The following GRM8 variants were observed in gnomAD, a reference collection of about 807,000 sequenced individuals.
GRM8 encodes the protein glutamate metabotropic receptor 8.
A neutral mutation model predicts 87.2 loss-of-function variants in GRM8; 47 were observed. The ratio of observed to expected loss-of-function variants is 0.54; its 90% confidence interval spans 0.43 to 0.69. The LOEUF is 0.69. Among genes scored for constraint, GRM8 ranks in the 30% least tolerant of loss-of-function variants. GRM8 has a pLI of 0.00. For missense variants in GRM8, 1,019 were observed against 1,139.2 expected (o/e 0.89, Z 1.52); for synonymous variants, 396 against 404.5 (o/e 0.98, Z 0.25).
At chr7:127,036,668 G>A (rs1221332546) in intron 3 of GRM8, among the ~76,000 whole-genome samples, 1 of 152,152 alleles carries the variant, frequency 6.6e-6, no homozygotes, top group Non-Finnish European at 1.5e-5. Context: ...GCCAAATGTG[G>A]GGTTTGACCA....
intron 3 of GRM8, among the ~76,000 whole-genome samples, chr7:126,938,414 A>G (rs1222114569): frequency 1.3e-5 from 2 of 152,222 alleles, no homozygotes; most frequent in African/African-American, 4.8e-5. Flanking sequence ...TAATTTTTAC[A>G]GCTGCCAAAC....
At chr7:126,640,868 T>C (rs1395310576) in intron 7 of GRM8, among the ~76,000 whole-genome samples, 4 of 152,028 alleles carry the variant, frequency 2.6e-5, no homozygotes, top group Non-Finnish European at 5.9e-5. Context: ...TATATTTTGC[T>C]ACCCTTCTTG....
chr7:126,606,181 G>T (rs561042723), intron 8 of GRM8, among the ~76,000 whole-genome samples: 1 of 152,280 alleles, frequency 6.6e-6, no homozygotes, highest in African/African-American at 2.4e-5. Flanking sequence ...TGGCTGTGGG[G>T]ACAGTCAGCA....
intron 6 of GRM8, among the ~76,000 whole-genome samples, chr7:126,775,973 T>C (rs567067461): frequency 2.0e-5 from 3 of 152,276 alleles, no homozygotes; most frequent in African/African-American, 7.2e-5. Flanking sequence ...AGCTGTTCAC[T>C]CTCTTCATTC....
chr7:126,446,401 G>C (rs1400909319), intron 9 of GRM8, 29 bp from the exon 10 acceptor site: 1 of 1,484,302 alleles, frequency 6.7e-7, no homozygotes, highest in South Asian at 1.2e-5. Flanking sequence ...AAGAATCACT[G>C]TTGGTAAGCC....
At chr7:126,823,688 T>G (rs1794504198) in intron 6 of GRM8, among the ~76,000 whole-genome samples, 1 of 152,252 alleles carries the variant, frequency 6.6e-6, no homozygotes, top group Admixed American at 6.5e-5. Context: ...ATGCATTCTT[T>G]TTTTCATTCT....
intron 6 of GRM8, among the ~76,000 whole-genome samples, chr7:126,831,261 G>A (rs978798279): frequency 3.9e-5 from 6 of 152,222 alleles, no homozygotes; most frequent in African/African-American, 1.4e-4. Context: ...TAAGTCTGCA[G>A]AGGTTACAGC....
intron 6 of GRM8, among the ~76,000 whole-genome samples, chr7:126,875,944 G>A (rs552043092): frequency 4.6e-5 from 7 of 152,180 alleles, no homozygotes; most frequent in South Asian, 4.1e-4. Context: ...CAGCTGTGTC[G>A]AATTCAGTAG....
At chr7:126,870,596 A>G (rs1362409436) in intron 6 of GRM8, 1 of 152,208 alleles carries the variant, frequency 6.6e-6, no homozygotes, top group Admixed American at 6.5e-5. Context: ...AAAGCCTGAA[A>G]AAAGGGAAAG....
intron 3 of GRM8, among the ~76,000 whole-genome samples, chr7:127,023,716 C>A (rs963948609): frequency 3.3e-5 from 5 of 152,048 alleles, no homozygotes; most frequent in African/African-American, 9.7e-5. Context: ...ACAAACCCCC[C>A]AAAAATCTCC....
chr7:126,773,702 T>C (rs898347749), intron 6 of GRM8, among the ~76,000 whole-genome samples: 1 of 151,994 alleles, frequency 6.6e-6, no homozygotes, highest in Admixed American at 6.6e-5. Context: ...CAGCATTTCT[T>C]AAAAAATAAA....
chr7:126,829,016 G>C (rs1347132999), intron 6 of GRM8, among the ~76,000 whole-genome samples: 1 of 152,178 alleles, frequency 6.6e-6, no homozygotes, highest in East Asian at 1.9e-4. Context: ...GAGGTTTTGA[G>C]TGAGTTTCTT....
chr7:127,052,235 C>G (rs1819563246), intron 3 of GRM8, among the ~76,000 whole-genome samples: 1 of 152,182 alleles, frequency 6.6e-6, no homozygotes, highest in Non-Finnish European at 1.5e-5. Flanking sequence ...ATAGAAGGGG[C>G]TGAGTTCAGT....
Position 126,698,416 on chromosome 7 carries a change from T to C in GRM8, c.1357+71449A>G, listed in dbSNP as rs1041007653. On this transcript the variant is annotated intron_variant, in intron 7 of 10. Coordinates refer to ENST00000339582, the MANE Select transcript of GRM8 (RefSeq NM_000845.3). ...TGATGCTTATCTTTTAAATATGTATTTTATAAATATTTAACTTATATTAAA... is the reference window on the plus strand; with the variant it reads ...TGATGCTTATCTTTTAAATATGTATCTTATAAATATTTAACTTATATTAAA... 2.0e-5 allele frequency among the ~76,000 whole-genome samples: 3 copies of C among 152,260 alleles called. No individual in the cohort carries two copies. The South Asian group carries it at 6.2e-4, about 32-fold the overall frequency.
intron 3 of GRM8, among the ~76,000 whole-genome samples, chr7:126,936,332 G>T (rs1170571611): frequency 6.6e-6 from 1 of 152,082 alleles, no homozygotes; most frequent in Admixed American, 6.6e-5. Flanking sequence ...CACTTTTCAT[G>T]ATGGATAGGC....
intron 9 of GRM8, among the ~76,000 whole-genome samples, chr7:126,460,563 T>C (rs1803784803): frequency 6.6e-6 from 1 of 151,558 alleles, no homozygotes; most frequent in East Asian, 1.9e-4. Context: ...TCTTGCACAT[T>C]ATTCCATAAG....
intron 3 of GRM8, among the ~76,000 whole-genome samples, chr7:126,906,144 A>G (rs1422736452): frequency 6.6e-6 from 1 of 152,120 alleles, no homozygotes; most frequent in African/African-American, 2.4e-5. Flanking sequence ...AAAAGACTCC[A>G]CAGAGATTTC....
At chr7:126,734,986 G>A (rs987409589) in intron 7 of GRM8, among the ~76,000 whole-genome samples, 3 of 152,020 alleles carry the variant, frequency 2.0e-5, no homozygotes, top group African/African-American at 7.2e-5. Context: ...CAAAAGAAGA[G>A]AAACCTTTTT....
intron 6 of GRM8, among the ~76,000 whole-genome samples, chr7:126,788,818 A>G (rs983095070): frequency 6.6e-6 from 1 of 152,056 alleles, no homozygotes; most frequent in African/African-American, 2.4e-5. Flanking sequence ...GAGACAGAAA[A>G]AAAAAAAGGT....
Sources: gnomAD v4.1 joint callset for allele counts (sites outside exome capture counted in the v4.1 genomes callset) on GRCh38, gnomAD v4.1.1 for gene constraint, MANE v1.5 for transcripts, NCBI Gene and HGNC (gene_info 2026-07-23, HGNC 2026-07-21) for gene names.